Variants in SYT1 observed in about 807,000 individuals in gnomAD.
SYT1 encodes the protein synaptotagmin 1.
SYT1 carries 8 observed loss-of-function variants against 44.8 expected under a neutral mutation model. The observed-to-expected ratio is 0.18, with a 90% confidence interval of 0.10 to 0.32. The LOEUF is 0.32. Among genes scored for constraint, SYT1 ranks in the 10% least tolerant of loss-of-function variants. The pLI is 1.00. For missense variants in SYT1, 286 were observed against 509.3 expected, an observed-to-expected ratio of 0.56 and a Z score of 4.22; for synonymous variants, 154 against 188.8, an observed-to-expected ratio of 0.82 and a Z score of 1.51.
chr12:79,350,343 C>T lies in SYT1; in HGVS notation c.811-3159C>T, dbSNP rs1379240334. On this transcript the variant is annotated intron_variant, in intron 8 of 10. Coordinates refer to ENST00000261205, the MANE Select transcript of SYT1 (RefSeq NM_005639.3). ...TCTCGGCTCACTGCAAGCTCCGCCT[C>T]CCGGGTTCACACCATTCTCCTGCCT... Among the ~76,000 whole-genome samples the T allele has an allele frequency of 2.6e-5, 4 of 150,982 alleles. No individual in the cohort carries two copies. In the South Asian group the frequency reaches 8.4e-4, roughly 32 times the overall value.
Position 78,987,983 on chromosome 12 carries a change from G to A in SYT1, c.-84+10052G>A, listed in dbSNP as rs529230396. The stretch of plus-strand genomic sequence containing the variant: ...TGTCAGGTGAAAAGGTAATGGAACT[G>A]TGGAGGGATGTTCTGCTTTCCATTA... On this transcript the variant is annotated intron_variant, in intron 2 of 10. Transcript: ENST00000261205. Among the ~76,000 whole-genome samples, 4 of 152,246 alleles carry A rather than the reference G, an allele frequency of 2.6e-5. 1 individual carries two copies. In the South Asian group the frequency reaches 8.3e-4, roughly 32 times the overall value.
chr12:79,115,640 GTT>G (rs1414692636), intron 3 of SYT1, among the ~76,000 whole-genome samples: 1 of 152,150 alleles, frequency 6.6e-6, no homozygotes, highest in African/African-American at 2.4e-5. Context: ...AAAACATCTT[GTT>G]CTTTCCACAG....
At chr12:79,302,992 T>C (rs185533415) in intron 8 of SYT1, among the ~76,000 whole-genome samples, 1 of 152,320 alleles carries the variant, frequency 6.6e-6, no homozygotes, top group East Asian at 1.9e-4. Context: ...TATATAATTC[T>C]TCAGTGTGCA....
intron 8 of SYT1, among the ~76,000 whole-genome samples, chr12:79,353,140 T>A (rs1304014282): frequency 6.6e-6 from 1 of 152,216 alleles, no homozygotes; most frequent in Non-Finnish European, 1.5e-5. Context: ...ATTTCAAAGC[T>A]GTTTAATAAA....
At chr12:79,182,892 A>T (rs1279780916) in intron 3 of SYT1, among the ~76,000 whole-genome samples, 2 of 152,110 alleles carry the variant, frequency 1.3e-5, no homozygotes, top group Admixed American at 6.6e-5. Context: ...TAACAATTTT[A>T]AAAAGTTAAA....
intron 2 of SYT1, among the ~76,000 whole-genome samples, chr12:78,990,219 ATTGTTCAT>A (rs1869925468): frequency 6.6e-6 from 1 of 152,100 alleles, no homozygotes; most frequent in African/African-American, 2.4e-5. Context: ...ATGGGTATTA[ATTGTTCAT>A]TTGTTTCTGA....
At chr12:78,872,535 T>A (rs1034806209) in intron 1 of SYT1, among the ~76,000 whole-genome samples, 1 of 151,902 alleles carries the variant, frequency 6.6e-6, no homozygotes, top group African/African-American at 2.4e-5. Context: ...AAGAATGATA[T>A]AGGAATTCCT....
chr12:79,140,819 G>A (rs925648203), intron 3 of SYT1, among the ~76,000 whole-genome samples: 1 of 152,188 alleles, frequency 6.6e-6, no homozygotes, highest in Non-Finnish European at 1.5e-5. Context: ...GAAGCCTATA[G>A]GCTAACAGAT....
intron 2 of SYT1, among the ~76,000 whole-genome samples, chr12:78,984,103 G>A (rs757823955): frequency 2.0e-5 from 3 of 150,728 alleles, no homozygotes; most frequent in South Asian, 2.1e-4. Flanking sequence ...TCTTAATAGC[G>A]TCTAGATTCA....
chr12:79,020,832 G>A (rs1320607403), intron 2 of SYT1, among the ~76,000 whole-genome samples: 1 of 151,890 alleles, frequency 6.6e-6, no homozygotes, highest in African/African-American at 2.4e-5. Flanking sequence ...CCATTGCTAA[G>A]CAAGGCTACC....
chr12:78,956,230 G>T (rs1879210299), intron 1 of SYT1, among the ~76,000 whole-genome samples: 1 of 152,014 alleles, frequency 6.6e-6, no homozygotes. Flanking sequence ...TTTCACAAAA[G>T]TGCAATAACA....
intron 9 of SYT1, among the ~76,000 whole-genome samples, chr12:79,366,254 G>T (rs1883538992): frequency 6.6e-6 from 1 of 152,190 alleles, no homozygotes; most frequent in African/African-American, 2.4e-5. Context: ...AGATATGTTA[G>T]TGTTTTATGT....
At chr12:79,076,118 TGAA>T (rs1396199387) in intron 3 of SYT1, among the ~76,000 whole-genome samples, 4 of 152,250 alleles carry the variant, frequency 2.6e-5, no homozygotes, top group Middle Eastern at 3.4e-3. Context: ...CTAAGTTTGA[TGAA>T]GAAGTGGATA....
intron 3 of SYT1, among the ~76,000 whole-genome samples, chr12:79,145,788 C>G (rs556457113): frequency 2.7e-5 from 4 of 150,686 alleles, no homozygotes; most frequent in Non-Finnish European, 5.9e-5. Flanking sequence ...GACGGAGTCT[C>G]GCTCTGTCGC....
chr12:78,993,209 A>G (rs1382846503), intron 2 of SYT1, among the ~76,000 whole-genome samples: 1 of 152,262 alleles, frequency 6.6e-6, no homozygotes, highest in Non-Finnish European at 1.5e-5. Context: ...GAAAGGACAC[A>G]TAATGATGGG....
chr12:79,249,259 C>A (rs1877045813), intron 4 of SYT1, among the ~76,000 whole-genome samples: 1 of 151,514 alleles, frequency 6.6e-6, no homozygotes, highest in African/African-American at 2.4e-5. Flanking sequence ...CGCCCGCCAC[C>A]GCGCCCGGCT....
chr12:78,985,664 G>A (rs1869590977), intron 2 of SYT1, among the ~76,000 whole-genome samples: 2 of 151,598 alleles, frequency 1.3e-5, no homozygotes, highest in South Asian at 4.1e-4. Context: ...AAAAATTTTG[G>A]GACTTATTAT....
chr12:79,221,007 A>G (rs1875126706), intron 4 of SYT1, among the ~76,000 whole-genome samples: 2 of 152,112 alleles, frequency 1.3e-5, no homozygotes, highest in South Asian at 2.1e-4. Flanking sequence ...TGATCTGTCC[A>G]TTACTGAAAA....
intron 3 of SYT1, among the ~76,000 whole-genome samples, chr12:79,208,533 C>T (rs987199946): frequency 3.9e-5 from 6 of 151,966 alleles, no homozygotes; most frequent in African/African-American, 7.3e-5. Context: ...TGAAGCATTT[C>T]GATCAGAATG....
Sources: allele counts gnomAD v4.1 joint callset (sites outside exome capture counted in the v4.1 genomes callset), GRCh38; gene constraint gnomAD v4.1.1; transcripts MANE v1.5; gene names NCBI Gene and HGNC (gene_info 2026-07-23, HGNC 2026-07-21).